The following PPARGC1A variants were observed in gnomAD, a reference collection of about 807,000 sequenced individuals.
PPARGC1A encodes the protein peroxisome proliferator-activated receptor gamma coactivator 1-alpha.
Under a neutral mutation model 88.7 loss-of-function variants are expected in PPARGC1A, and 25 were observed. That is an observed-to-expected ratio of 0.28 (90% CI 0.21 to 0.39). The LOEUF (loss-of-function observed/expected upper bound fraction) is 0.39, where lower values mean the gene tolerates loss of function less well. Among genes scored for constraint, PPARGC1A ranks in the 10% least tolerant of loss-of-function variants. PPARGC1A has a pLI of 1.00. For synonymous variants in PPARGC1A, 363 were observed against 355.6 expected (o/e 1.02, Z -0.24); for missense variants, 880 against 968.7 (o/e 0.91, Z 1.22).
the PPARGC1A span, among the ~76,000 whole-genome samples, chr4:24,040,503 G>C: frequency 8.1e-4 from 124 of 152,268 alleles, no homozygotes; most frequent in African/African-American, 2.9e-3. Context: ...TTCAGCAAGA[G>C]AGCGTGTGGC....
intron 2 of PPARGC1A, among the ~76,000 whole-genome samples, chr4:23,868,762 TTAATG>T (rs1375517338): frequency 6.6e-6 from 1 of 152,232 alleles, no homozygotes; most frequent in Non-Finnish European, 1.5e-5. Flanking sequence ...TGGTAAAGGC[TTAATG>T]TAAACACAGA....
chr4:24,446,544 G>A, the PPARGC1A span, among the ~76,000 whole-genome samples: 1 of 151,566 alleles, frequency 6.6e-6, no homozygotes, highest in Non-Finnish European at 1.5e-5. Flanking sequence ...AACGGCCAGA[G>A]GAAAAGAAAA....
chr4:24,470,324 A>ACACACACT, the PPARGC1A span, among the ~76,000 whole-genome samples: 249 of 107,820 alleles, frequency 2.3e-3, 3 homozygotes, highest in African/African-American at 7.8e-3. This position sits in a 1 kb window ranked among gnomAD's most constrained non-coding sequence, Gnocchi z 5.8. Context: ...ACACACACAC[A>ACACACACT]CTCTCTCACA....
the PPARGC1A span, among the ~76,000 whole-genome samples, chr4:24,315,491 C>G: frequency 6.6e-6 from 1 of 152,212 alleles, no homozygotes; most frequent in Non-Finnish European, 1.5e-5. Flanking sequence ...ATTAGTTGCA[C>G]AGCACTCAGA....
At chr4:24,140,902 G>A in the PPARGC1A span, among the ~76,000 whole-genome samples, 1 of 152,186 alleles carries the variant, frequency 6.6e-6, no homozygotes. Flanking sequence ...CAAAGATGGA[G>A]ACAGTCCCAT....
the PPARGC1A span, among the ~76,000 whole-genome samples, chr4:24,329,322 A>G: frequency 1.3e-5 from 2 of 151,494 alleles, no homozygotes; most frequent in African/African-American, 2.4e-5. Context: ...AAATACCACC[A>G]TTCCAGTGAA....
chr4:24,290,168 G>T, the PPARGC1A span, among the ~76,000 whole-genome samples: 1 of 152,078 alleles, frequency 6.6e-6, no homozygotes, highest in African/African-American at 2.4e-5. Context: ...TTCAAGATGA[G>T]ATTTGGGTGG....
the PPARGC1A span, among the ~76,000 whole-genome samples, chr4:24,024,251 A>T: frequency 6.6e-6 from 1 of 152,084 alleles, no homozygotes; most frequent in Non-Finnish European, 1.5e-5. Context: ...GACTTATCTC[A>T]CGTAATCCTC....
chr4:24,122,382 CGTATGTGT>C, the PPARGC1A span, among the ~76,000 whole-genome samples: 8 of 70,012 alleles, frequency 1.1e-4, no homozygotes, highest in South Asian at 1.8e-3. Flanking sequence ...TGTGTGTATG[CGTATGTGT>C]GTGTGTGTGT....
chr4:23,887,874 A>C (rs1200639035), intron 1 of PPARGC1A, among the ~76,000 whole-genome samples: 1 of 152,104 alleles, frequency 6.6e-6, no homozygotes, highest in East Asian at 1.9e-4. Context: ...GGCAGTAAAG[A>C]ATGACAGTCT....
chr4:24,278,713 C>A, the PPARGC1A span, among the ~76,000 whole-genome samples: 3 of 152,194 alleles, frequency 2.0e-5, no homozygotes, highest in Non-Finnish European at 1.5e-5. Context: ...ATTTTCCACA[C>A]CGTGTTGCTA....
At chr4:24,049,809 A>T in the PPARGC1A span, among the ~76,000 whole-genome samples, 5 of 152,128 alleles carry the variant, frequency 3.3e-5, no homozygotes, top group Admixed American at 6.5e-5. Context: ...CTTTTGAGAC[A>T]CTGCCTTCCA....
upstream of PPARGC1A, among the ~76,000 whole-genome samples, chr4:23,893,165 G>A (rs887324789): frequency 7.6e-5 from 9 of 117,926 alleles, no homozygotes; most frequent in African/African-American, 2.9e-4. Context: ...TCTATCTCGA[G>A]TTGCTAACAA....
chr4:24,122,434 T>TAGAGAG, the PPARGC1A span, among the ~76,000 whole-genome samples: 68 of 130,194 alleles, frequency 5.2e-4, no homozygotes, highest in African/African-American at 9.9e-4. Flanking sequence ...TATATATATA[T>TAGAGAG]ATAGAGAGAG....
At chr4:23,885,535 A>C (rs1716722537) in intron 1 of PPARGC1A, among the ~76,000 whole-genome samples, 1 of 152,070 alleles carries the variant, frequency 6.6e-6, no homozygotes, top group Non-Finnish European at 1.5e-5. Flanking sequence ...CTCTTATTTG[A>C]CTCTTCATGA....
the PPARGC1A span, among the ~76,000 whole-genome samples, chr4:23,949,027 A>T: frequency 6.6e-6 from 1 of 152,114 alleles, no homozygotes; most frequent in African/African-American, 2.4e-5. Flanking sequence ...TATTTGCCTA[A>T]ACTAGTTTTC....
chr4:24,319,125 C>G, the PPARGC1A span, among the ~76,000 whole-genome samples: 6 of 152,118 alleles, frequency 3.9e-5, no homozygotes, highest in African/African-American at 1.4e-4. Context: ...GCAGGAGGAT[C>G]ACTTGAGGCC....
chr4:24,339,877 T>G, the PPARGC1A span, among the ~76,000 whole-genome samples: 8 of 152,038 alleles, frequency 5.3e-5, no homozygotes, highest in Non-Finnish European at 1.5e-5. Context: ...TAGCTGGGAC[T>G]ACAGGCGCCC....
At chr4:23,808,186 G>A (rs1720211597) in intron 10 of PPARGC1A, among the ~76,000 whole-genome samples, 1 of 147,754 alleles carries the variant, frequency 6.8e-6, no homozygotes, top group South Asian at 2.1e-4. Flanking sequence ...AGGAGGCGGA[G>A]CTTGCAGTGA....
Sources: gnomAD v4.1 joint callset for allele counts (sites outside exome capture counted in the v4.1 genomes callset) on GRCh38, gnomAD v4.1.1 for gene constraint, Gnocchi (gnomAD v3.1) non-coding constraint, MANE v1.5 for transcripts, NCBI Gene and HGNC (gene_info 2026-07-23, HGNC 2026-07-21) for gene names.